LMF1: variants seen among roughly 807,000 people sequenced by gnomAD.
LMF1 encodes the protein lipase maturation factor 1, also known as transmembrane protein 112.
Under a neutral mutation model 60.6 loss-of-function variants are expected in LMF1, and 68 were observed. The observed-to-expected ratio is 1.12, with a 90% CI of 0.92 to 1.37. The LOEUF (loss-of-function observed/expected upper bound fraction) is 1.37, where lower values mean the gene tolerates loss of function less well. LMF1 is among the 40% of genes most tolerant of loss of function. The pLI is 0.00. For synonymous variants in LMF1, 418 were observed against 324.7 expected (o/e 1.29, Z -3.09); for missense variants, 948 against 767.2 (o/e 1.24, Z -2.78).
Position 854,686 on chromosome 16 carries a change from T to C in LMF1, c.1550A>G (p.Tyr517Cys). 1 of 1,599,162 alleles carries C rather than the reference T, an allele frequency of 6.3e-7. No individual in the cohort carries two copies. The highest frequency in any genetic ancestry group is 2.3e-5 in the East Asian group (1 of 44,406). The change falls in exon 11 of 11, where the codon TAC (tyrosine) becomes TGC (cysteine). Residue 517 changes from tyrosine to cysteine, a missense_variant. Tyr to Cys is a radical substitution (Grantham distance 194). Coordinates refer to ENST00000262301, the MANE Select transcript of LMF1 (RefSeq NM_022773.4). ...CCCAGGACGGCTGAACTTGTACCTG[T>C]AGTGCTCTCCTCGGACCCACCTGCA... ...PPPRWVRGEH[Y>C]RYKFSRPGGR...
At chr16:947,261 C>T (rs138443085) in intron 2 of LMF1, 310 of 352,402 alleles carry the variant, frequency 8.8e-4, no homozygotes, top group African/African-American at 6.4e-3. Flanking sequence ...TATGTCTACG[C>T]CTTGTCAAAT....
intron 5 of LMF1, among the ~76,000 whole-genome samples, chr16:890,099 G>A (rs2070435958): frequency 6.6e-6 from 1 of 152,160 alleles, no homozygotes; most frequent in Non-Finnish European, 1.5e-5. Flanking sequence ...CCTTGGACTG[G>A]GCATGGCCAC....
At chr16:888,638 C>T (rs988385564) in intron 5 of LMF1, among the ~76,000 whole-genome samples, 10 of 152,344 alleles carry the variant, frequency 6.6e-5, no homozygotes, top group South Asian at 2.1e-4. Context: ...ATGTGGGGAC[C>T]GCAGCAACCC....
At chr16:951,147 C>T (rs201890680) in intron 2 of LMF1, among the ~76,000 whole-genome samples, 5 of 88,834 alleles carry the variant, frequency 5.6e-5, no homozygotes, top group Admixed American at 1.3e-4. Flanking sequence ...AGTCAGCCAA[C>T]GACAGAGTCA....
chr16:948,930 C>CA (rs1473129854), intron 2 of LMF1, among the ~76,000 whole-genome samples: 1 of 88,136 alleles, frequency 1.1e-5, no homozygotes, highest in Non-Finnish European at 2.0e-5. Context: ...CAGCCAACGA[C>CA]AGAGTCAGAG....
At chr16:946,083 C>A (rs1200835944) in intron 2 of LMF1, among the ~76,000 whole-genome samples, 1 of 152,218 alleles carries the variant, frequency 6.6e-6, no homozygotes, top group East Asian at 1.9e-4. Context: ...ATGGTGGACA[C>A]AGAGTTCACC....
upstream of LMF1, chr16:971,140 G>T: frequency 7.3e-6 from 5 of 683,138 alleles, no homozygotes; most frequent in Non-Finnish European, 1.0e-5. Flanking sequence ...GCCCCCTCCA[G>T]CCGGCCCCGC....
At chr16:957,756 G>A (rs1406586640) in intron 1 of LMF1, among the ~76,000 whole-genome samples, 1 of 152,166 alleles carries the variant, frequency 6.6e-6, no homozygotes, top group African/African-American at 2.4e-5. Flanking sequence ...CAATGGAATG[G>A]AAGAGACGGC....
At chr16:952,894 C>A (rs377535810) in intron 2 of LMF1, among the ~76,000 whole-genome samples, 1 of 90,616 alleles carries the variant, frequency 1.1e-5, no homozygotes, top group Non-Finnish European at 2.2e-5. Flanking sequence ...CACAGACACC[C>A]ACCCCAAACC....
At chr16:931,820 T>G (rs1345888135) in intron 3 of LMF1, 3 of 1,275,572 alleles carry the variant, frequency 2.4e-6, no homozygotes, top group Non-Finnish European at 3.1e-6. Context: ...AACATGAAAC[T>G]CAGGCTCACG....
At chr16:932,133 G>A (rs1597022639) in intron 3 of LMF1, among the ~76,000 whole-genome samples, 1 of 152,224 alleles carries the variant, frequency 6.6e-6, no homozygotes, top group East Asian at 1.9e-4. Flanking sequence ...TGCCTCTGCC[G>A]CTCCAGCACT....
At chr16:966,621 G>A (rs978476610) in intron 1 of LMF1, among the ~76,000 whole-genome samples, 6 of 152,208 alleles carry the variant, frequency 3.9e-5, no homozygotes, top group Non-Finnish European at 7.4e-5. Context: ...TATATACTCC[G>A]TGGCTGCCTG....
In LMF1 at chr16:962,694, A is replaced by G. The variant is rs1295065686; in HGVS notation, c.194-8028T>C. Among the ~76,000 whole-genome samples, 28 of 152,226 alleles carry G rather than the reference A, an allele frequency of 1.8e-4. No individual in the cohort carries two copies. Among genetic ancestry groups the G allele is most frequent in the Admixed American group, 1.8e-3 (28 of 15,284 alleles). On this transcript the variant is annotated intron_variant, in intron 1 of 10. Coordinates refer to ENST00000262301, the MANE Select transcript of LMF1 (RefSeq NM_022773.4). The surrounding 1 kb of genome is among the most constrained non-coding windows in gnomAD (Gnocchi z 4.5). ...TGTCAAGGTCGGAATCCTGCACAGG[A>G]AAGTCTGGGAGACTCACAGACCAGG... is the stretch of plus-strand genomic sequence containing the variant.
At chr16:969,309 C>T (rs577079766) in intron 1 of LMF1, among the ~76,000 whole-genome samples, 12 of 151,674 alleles carry the variant, frequency 7.9e-5, no homozygotes, top group Non-Finnish European at 1.5e-4. Context: ...AGTGAGACTC[C>T]GTCTCGAAAA....
intron 10 of LMF1, among the ~76,000 whole-genome samples, chr16:858,378 T>C (rs1220297164): frequency 2.4e-5 from 1 of 41,694 alleles, no homozygotes; most frequent in Non-Finnish European, 4.3e-5. Flanking sequence ...GGGACGGGTG[T>C]GAGTGGTGTC....
intron 9 of LMF1, chr16:869,511 A>G (rs1409457271): frequency 3.6e-6 from 2 of 553,738 alleles, no homozygotes; most frequent in Non-Finnish European, 3.4e-6. Context: ...TTGAGGCTGC[A>G]GCGGTTGGGC....
chr16:909,759 T>A (rs1385891386), intron 4 of LMF1, among the ~76,000 whole-genome samples: 1 of 152,142 alleles, frequency 6.6e-6, no homozygotes, highest in Non-Finnish European at 1.5e-5. Flanking sequence ...CGCCCAGCAC[T>A]CGGGCCCCTG....
At chr16:867,469 G>A (rs2069642757) in intron 10 of LMF1, among the ~76,000 whole-genome samples, 1 of 152,196 alleles carries the variant, frequency 6.6e-6, no homozygotes, top group South Asian at 2.1e-4. Flanking sequence ...GGGGGGCTCT[G>A]AAGGCTGCTG....
rs1046571467 is a variant in LMF1, at chr16:853,743, C to T, written c.*789G>A. On this transcript the variant is annotated 3_prime_UTR_variant, in exon 11 of 11. Coordinates refer to ENST00000262301, the MANE Select transcript of LMF1 (RefSeq NM_022773.4). ...TGTGCAGTAGACGCTGTTTGTCCGA[C>T]GATGATGAAAGTGTGCACGGCCGGC... is the stretch of plus-strand genomic sequence containing the variant. 14 of 453,984 alleles carry T rather than the reference C, an allele frequency of 3.1e-5. No individual in the cohort carries two copies. The highest frequency in any genetic ancestry group is 7.0e-5 in the Admixed American group (3 of 42,558). The allele number at this position is 453,984 out of a possible 1,614,324, so 28.1% of individuals were successfully genotyped here. A position where few individuals can be genotyped will look rare whatever the true frequency, so the allele number is the denominator to read the frequency against.
Sources: gnomAD v4.1 joint callset for allele counts (sites outside exome capture counted in the v4.1 genomes callset) on GRCh38, gnomAD v4.1.1 for gene constraint, Gnocchi (gnomAD v3.1) non-coding constraint, MANE v1.5 for transcripts, NCBI Gene and HGNC (gene_info 2026-07-23, HGNC 2026-07-21) for gene names.